The following FAM53B variants were observed in gnomAD, a reference collection of about 807,000 sequenced individuals.
FAM53B encodes the protein protein FAM53B.
Under a neutral mutation model 32.7 loss-of-function variants are expected in FAM53B, and 12 were observed. That is an observed-to-expected ratio of 0.37 (90% confidence interval 0.24 to 0.59). The LOEUF is 0.59. Ranked by LOEUF, FAM53B falls within the 20% of genes least tolerant of loss-of-function variation. FAM53B has a pLI of 0.72. For missense variants in FAM53B, 477 were observed against 577.7 expected (o/e 0.83, Z 1.79); for synonymous variants, 234 against 228.7 (o/e 1.02, Z -0.21).
intron 4 of FAM53B, among the ~76,000 whole-genome samples, chr10:124,678,310 C>A (rs1949749197): frequency 6.6e-6 from 1 of 152,178 alleles, no homozygotes; most frequent in Middle Eastern, 3.2e-3. Context: ...TGTGTACATA[C>A]AGATACAGAT....
chr10:124,709,778 T>C (rs1422616872), intron 1 of FAM53B, among the ~76,000 whole-genome samples: 2 of 147,886 alleles, frequency 1.4e-5, no homozygotes, highest in Non-Finnish European at 3.0e-5. Context: ...TCCTATAAAG[T>C]GACAAAGGCA....
intron 4 of FAM53B, among the ~76,000 whole-genome samples, chr10:124,661,720 CA>C (rs1208949689): frequency 6.6e-6 from 1 of 152,238 alleles, no homozygotes; most frequent in Admixed American, 6.5e-5. Context: ...TGGGCTCTAC[CA>C]AGGCCACCAT....
intron 2 of FAM53B, among the ~76,000 whole-genome samples, chr10:124,699,076 C>A (rs1456099530): frequency 6.6e-6 from 1 of 152,252 alleles, no homozygotes; most frequent in African/African-American, 2.4e-5. Context: ...CTTGCCGGAC[C>A]ATCCTGGCTA....
chr10:124,632,872 T>C (rs1441766616), intron 4 of FAM53B, among the ~76,000 whole-genome samples: 2 of 151,860 alleles, frequency 1.3e-5, no homozygotes, highest in Admixed American at 1.3e-4. Context: ...GACGGTGGGG[T>C]AGTATGGGCT....
chr10:124,654,939 T>G (rs983570196), intron 4 of FAM53B, among the ~76,000 whole-genome samples: 1 of 152,288 alleles, frequency 6.6e-6, no homozygotes, highest in African/African-American at 2.4e-5. Context: ...AGGCAGGAAA[T>G]GCACAATGAT....
intron 4 of FAM53B, among the ~76,000 whole-genome samples, chr10:124,625,892 G>A (rs1208528184): frequency 1.3e-5 from 2 of 152,224 alleles, no homozygotes; most frequent in East Asian, 3.9e-4. Flanking sequence ...AGGTCCCCGG[G>A]GAGCCTGACC....
intron 1 of FAM53B, among the ~76,000 whole-genome samples, chr10:124,715,852 G>A (rs1197299887): frequency 3.3e-5 from 5 of 152,198 alleles, no homozygotes; most frequent in Non-Finnish European, 7.4e-5. Flanking sequence ...TGTAGGTGGG[G>A]GCACTACAAA....
At chr10:124,657,060 G>GTATATGTATATATGTA (rs1214079368) in intron 4 of FAM53B, among the ~76,000 whole-genome samples, 1 of 77,416 alleles carries the variant, frequency 1.3e-5, no homozygotes, top group African/African-American at 3.4e-5. Context: ...ATGTATATAT[G>GTATATGTATATATGTA]TATATATATA....
At chr10:124,698,176 C>T (rs1949887527) in intron 2 of FAM53B, among the ~76,000 whole-genome samples, 1 of 152,170 alleles carries the variant, frequency 6.6e-6, no homozygotes. Context: ...GAAATTACCC[C>T]CTGGGGAACC....
chr10:124,674,476 G>A (rs922638497), intron 4 of FAM53B, among the ~76,000 whole-genome samples: 1 of 152,206 alleles, frequency 6.6e-6, no homozygotes, highest in South Asian at 2.1e-4. Flanking sequence ...GAACCATGAA[G>A]AGGTTCCATC....
intron 3 of FAM53B, among the ~76,000 whole-genome samples, chr10:124,692,788 G>C (rs1949842956): frequency 6.7e-6 from 1 of 148,332 alleles, no homozygotes; most frequent in South Asian, 2.2e-4. Flanking sequence ...TTTTATCTAA[G>C]TGGGTGCAGA....
chr10:124,669,963 T>C (rs1336055617), intron 4 of FAM53B, among the ~76,000 whole-genome samples: 5 of 44,016 alleles, frequency 1.1e-4, no homozygotes, highest in Non-Finnish European at 2.5e-4. Context: ...GGGTGAGGAT[T>C]ACAGGGTGGG....
intron 4 of FAM53B, among the ~76,000 whole-genome samples, chr10:124,630,892 G>A (rs1227992679): frequency 1.3e-5 from 2 of 152,260 alleles, no homozygotes; most frequent in African/African-American, 4.8e-5. Context: ...TACAGCAGGG[G>A]ACAGACTTTG....
In FAM53B at chr10:124,699,000, G is replaced by T. The variant is rs1011219200; in HGVS notation, c.79-2788C>A. Among the ~76,000 whole-genome samples the T allele has an allele frequency of 1.0e-3, 159 of 152,270 alleles. 1 individual carries two copies. Among genetic ancestry groups the T allele is most frequent in the African/African-American group, 3.4e-3 (143 of 41,550 alleles). On this transcript the variant is annotated intron_variant, in intron 2 of 4. Transcript: ENST00000337318. ...CAGGCCAGTCACTACCATCTCAGGG[G>T]CTTTGTGCCGGGATCTTCACGCAGC...
At chr10:124,662,189 G>A (rs1053536409) in intron 4 of FAM53B, among the ~76,000 whole-genome samples, 3 of 152,180 alleles carry the variant, frequency 2.0e-5, no homozygotes, top group South Asian at 2.1e-4. Context: ...GACCGTGGCC[G>A]CTACTCTGAA....
rs956894474 is a variant in FAM53B, at chr10:124,668,444, C to T, written c.906+13163G>A. On this transcript the variant is annotated intron_variant, in intron 4 of 4. Transcript: ENST00000337318. ...TAGATTACAGTGAGATGGAAACTCT[C>T]TAGGTGAATCAGGCTTGTTTAAAGC... 2.0e-5 allele frequency among the ~76,000 whole-genome samples: 3 copies of T among 152,262 alleles called. No individual in the cohort carries two copies. The East Asian group carries it at 5.8e-4, about 29-fold the overall frequency.
intron 4 of FAM53B, among the ~76,000 whole-genome samples, chr10:124,641,118 T>G (rs1037432472): frequency 2.6e-5 from 4 of 152,234 alleles, no homozygotes; most frequent in African/African-American, 9.6e-5. Flanking sequence ...CCTCAGGGGC[T>G]GTCCAGAGTC....
chr10:124,723,640 T>C (rs1021400857), intron 1 of FAM53B, among the ~76,000 whole-genome samples: 1 of 152,210 alleles, frequency 6.6e-6, no homozygotes, highest in South Asian at 2.1e-4. Flanking sequence ...TTCTGTGTTC[T>C]GCTTTTAGGA....
At chr10:124,709,904 G>T (rs1278688050) in intron 1 of FAM53B, among the ~76,000 whole-genome samples, 2 of 152,058 alleles carry the variant, frequency 1.3e-5, no homozygotes, top group Non-Finnish European at 2.9e-5. Context: ...CCTGGAGAAG[G>T]GAATGACAGT....
Sources: gnomAD v4.1 joint callset for allele counts (sites outside exome capture counted in the v4.1 genomes callset) on GRCh38, gnomAD v4.1.1 for gene constraint, MANE v1.5 for transcripts, NCBI Gene and HGNC (gene_info 2026-07-23, HGNC 2026-07-21) for gene names.